Variants in RIMS2 observed in about 807,000 individuals in gnomAD.
The protein encoded by RIMS2 is regulating synaptic membrane exocytosis 2.
In RIMS2, 59 loss-of-function variants were observed where a neutral mutation model predicts 174.4. That is an observed-to-expected ratio of 0.34 (90% CI 0.27 to 0.42). The LOEUF is 0.42. RIMS2 is among the 10% of genes least tolerant of loss of function. The pLI is 1.00. For synonymous variants in RIMS2, 606 were observed against 572.5 expected, an observed-to-expected ratio of 1.06 and a Z score of -0.84; for missense variants, 1,620 against 1,666.3, an observed-to-expected ratio of 0.97 and a Z score of 0.48.
chr8:104,177,195 T>G (rs1468428719), intron 19 of RIMS2, among the ~76,000 whole-genome samples: 1 of 152,160 alleles, frequency 6.6e-6, no homozygotes. Flanking sequence ...ATTTTGTGGA[T>G]GTGAAACTGA....
intron 1 of RIMS2, among the ~76,000 whole-genome samples, chr8:103,664,428 C>G (rs1196692934): frequency 6.6e-6 from 1 of 151,666 alleles, no homozygotes; most frequent in Non-Finnish European, 1.5e-5. Flanking sequence ...AACAGATTTA[C>G]AAGAAAAAAA....
At chr8:104,098,930 A>C (rs571264108) in intron 19 of RIMS2, among the ~76,000 whole-genome samples, 1 of 152,324 alleles carries the variant, frequency 6.6e-6, no homozygotes, top group East Asian at 1.9e-4. Flanking sequence ...TTAGGACTCT[A>C]AAATACCAGC....
intron 19 of RIMS2, among the ~76,000 whole-genome samples, chr8:104,064,292 A>T (rs936359409): frequency 6.6e-6 from 1 of 152,198 alleles, no homozygotes; most frequent in Non-Finnish European, 1.5e-5. Flanking sequence ...AGTTAAATCA[A>T]GAGCAACAAA....
At chr8:103,892,176 T>TA (rs2099250156) in intron 4 of RIMS2, among the ~76,000 whole-genome samples, 1 of 151,692 alleles carries the variant, frequency 6.6e-6, no homozygotes, top group South Asian at 2.1e-4. Flanking sequence ...ATAATAAGAA[T>TA]ATGTTAAAAA....
intron 19 of RIMS2, among the ~76,000 whole-genome samples, chr8:104,179,103 C>G (rs2098924302): frequency 6.6e-6 from 1 of 152,026 alleles, no homozygotes; most frequent in Non-Finnish European, 1.5e-5. Flanking sequence ...TAATCAGAGA[C>G]AGTGGCCTTT....
intron 2 of RIMS2, among the ~76,000 whole-genome samples, chr8:103,715,809 G>C (rs2138177197): frequency 6.6e-6 from 1 of 152,194 alleles, no homozygotes; most frequent in South Asian, 2.1e-4. Flanking sequence ...TTGGGACAGA[G>C]ATAAACTTCA....
chr8:103,928,012 T>G (rs1053281546), intron 11 of RIMS2: 2 of 695,116 alleles, frequency 2.9e-6, no homozygotes, highest in African/African-American at 3.7e-5. Flanking sequence ...TTATTGACTT[T>G]CAAATCATTT....
intron 2 of RIMS2, among the ~76,000 whole-genome samples, chr8:103,722,050 G>A (rs560327700): frequency 2.0e-5 from 3 of 152,142 alleles, no homozygotes; most frequent in Non-Finnish European, 4.4e-5. Flanking sequence ...GGAAACCAGG[G>A]TAGATATGTT....
At chr8:103,676,187 C>A (rs780473579) in intron 1 of RIMS2, among the ~76,000 whole-genome samples, 2 of 151,812 alleles carry the variant, frequency 1.3e-5, no homozygotes, top group Non-Finnish European at 2.9e-5. Context: ...TTTCATACAC[C>A]CTTACAAATG....
chr8:104,241,115 G>T (rs1179294618), intron 19 of RIMS2, among the ~76,000 whole-genome samples: 1 of 152,134 alleles, frequency 6.6e-6, no homozygotes, highest in Non-Finnish European at 1.5e-5. Flanking sequence ...ACCCCACTAA[G>T]CTGCTTCTAA....
At chr8:103,528,980 G>A (rs373121316) in intron 1 of RIMS2, among the ~76,000 whole-genome samples, 1 of 152,142 alleles carries the variant, frequency 6.6e-6, no homozygotes, top group East Asian at 1.9e-4. Context: ...AATTACCTTG[G>A]GCAGTATGGC....
At chr8:103,671,848 C>G (rs538636077) in intron 1 of RIMS2, among the ~76,000 whole-genome samples, 1 of 152,110 alleles carries the variant, frequency 6.6e-6, no homozygotes, top group African/African-American at 2.4e-5. Flanking sequence ...AAATATAACT[C>G]AAAGAGGGTA....
chr8:103,827,701 C>T (rs998574898), intron 3 of RIMS2, among the ~76,000 whole-genome samples: 13 of 151,824 alleles, frequency 8.6e-5, no homozygotes, highest in African/African-American at 2.9e-4. Context: ...TGGGCGTGGC[C>T]GTGTGTGTCT....
At chr8:104,165,212 T>A (rs1455697446) in intron 19 of RIMS2, among the ~76,000 whole-genome samples, 1 of 152,208 alleles carries the variant, frequency 6.6e-6, no homozygotes, top group Admixed American at 6.5e-5. Context: ...TATGTTTGAT[T>A]GTGATGAACA....
intron 19 of RIMS2, among the ~76,000 whole-genome samples, chr8:104,078,079 G>A (rs1411554522): frequency 6.6e-6 from 1 of 151,654 alleles, no homozygotes; most frequent in Non-Finnish European, 1.5e-5. Context: ...GGGAGGCAGA[G>A]GTTGCAATGA....
At chr8:104,221,831 A>C (rs1563836385) in intron 19 of RIMS2, among the ~76,000 whole-genome samples, 1 of 152,154 alleles carries the variant, frequency 6.6e-6, no homozygotes, top group East Asian at 1.9e-4. Context: ...GCAATGGACA[A>C]ACAAAGTCCT....
chr8:103,886,728 C>T (rs553866917), intron 4 of RIMS2, among the ~76,000 whole-genome samples: 2 of 151,208 alleles, frequency 1.3e-5, no homozygotes, highest in African/African-American at 2.4e-5. Flanking sequence ...AAATTGATAT[C>T]ATGCTATATA....
chr8:103,689,395 TC>T (rs2096983735), intron 1 of RIMS2, among the ~76,000 whole-genome samples: 1 of 152,102 alleles, frequency 6.6e-6, no homozygotes, highest in Admixed American at 6.6e-5. Flanking sequence ...GCAGATTAAG[TC>T]TGATGTTTCT....
rs1465322622 is a variant in RIMS2, at chr8:103,737,168, CTTTGTTCTTTTTTTTT to C, written c.388-29055_388-29040del. ...TAATTTTTCCTTTTCTTTTCTTTTT[CTTTGTTCTTTTTTTTT>C]TTTTTTTTTTTTTTTTTGAGACAGA... On this transcript the variant is annotated intron_variant, in intron 2 of 23. Transcript: ENST00000504942. Among the ~76,000 whole-genome samples the C allele has an allele frequency of 6.1e-5, 7 of 113,884 alleles. 1 individual carries two copies. The Admixed American group carries it at 6.2e-4, about 10-fold the overall frequency. The allele number at this position is 113,884 out of a possible 152,430, so 74.7% of individuals were successfully genotyped here. A position where few individuals can be genotyped will look rare whatever the true frequency, so the allele number is the denominator to read the frequency against.
Sources: allele counts gnomAD v4.1 joint callset (sites outside exome capture counted in the v4.1 genomes callset), GRCh38; gene constraint gnomAD v4.1.1; transcripts MANE v1.5; gene names NCBI Gene and HGNC (gene_info 2026-07-23, HGNC 2026-07-21).